KCNIP1: variants seen among roughly 807,000 people sequenced by gnomAD.
The protein encoded by KCNIP1 is potassium voltage-gated channel interacting protein 1.
Under a neutral mutation model 33.0 loss-of-function variants are expected in KCNIP1, and 18 were observed. The observed-to-expected ratio is 0.55, with a 90% confidence interval of 0.38 to 0.81. The LOEUF is 0.81. KCNIP1 is among the 30% of genes least tolerant of loss of function. KCNIP1 has a pLI of 0.00. For synonymous variants in KCNIP1, 93 were observed against 98.3 expected (o/e 0.95, Z 0.32); for missense variants, 238 against 271.6 (o/e 0.88, Z 0.87).
intron 1 of KCNIP1, among the ~76,000 whole-genome samples, chr5:170,390,389 C>T (rs10066233): frequency 0.2 from 30,367 of 149,850 alleles, 3,193 homozygotes; most frequent in Middle Eastern, 0.25. Flanking sequence ...GCCTGTGGTC[C>T]CAGCTACTTG....
intron 1 of KCNIP1, among the ~76,000 whole-genome samples, chr5:170,443,931 C>T (rs1475122331): frequency 6.6e-6 from 1 of 152,252 alleles, no homozygotes; most frequent in African/African-American, 2.4e-5. Context: ...TTTCTCCACA[C>T]TGCCAGGTTC....
intron 1 of KCNIP1, chr5:170,378,492 A>C (rs969283102): frequency 2.9e-5 from 17 of 595,054 alleles, no homozygotes; most frequent in South Asian, 1.4e-4. Context: ...ATGGCCTCCA[A>C]GGCATTGGGG....
intron 1 of KCNIP1, among the ~76,000 whole-genome samples, chr5:170,686,646 C>A (rs868152850): frequency 3.2e-4 from 49 of 152,208 alleles, no homozygotes; most frequent in African/African-American, 1.1e-3. Context: ...ACAGCTGACC[C>A]CGGCCTGTGA....
chr5:170,684,102 A>G (rs953053358), intron 1 of KCNIP1, among the ~76,000 whole-genome samples: 1 of 152,200 alleles, frequency 6.6e-6, no homozygotes, highest in African/African-American at 2.4e-5. Context: ...TATTGAGCCA[A>G]GAGTCAAAAG....
At chr5:170,548,697 C>T (rs1302764994) in intron 1 of KCNIP1, among the ~76,000 whole-genome samples, 1 of 152,188 alleles carries the variant, frequency 6.6e-6, no homozygotes, top group South Asian at 2.1e-4. Context: ...AAAGGTCTAG[C>T]TCTTTGAGGT....
chr5:170,733,217 G>A (rs1165631782), intron 6 of KCNIP1, among the ~76,000 whole-genome samples: 1 of 152,204 alleles, frequency 6.6e-6, no homozygotes, highest in Non-Finnish European at 1.5e-5. Context: ...AAGCATTTGT[G>A]TCTGGGAAGT....
intron 1 of KCNIP1, among the ~76,000 whole-genome samples, chr5:170,684,350 C>T (rs1004372663): frequency 6.6e-6 from 1 of 152,152 alleles, no homozygotes. Flanking sequence ...TTGACAAACT[C>T]CCCTAGAGTC....
At chr5:170,425,604 C>A (rs1389038824) in intron 1 of KCNIP1, among the ~76,000 whole-genome samples, 1 of 152,212 alleles carries the variant, frequency 6.6e-6, no homozygotes, top group African/African-American at 2.4e-5. Flanking sequence ...TCTGTTGCCA[C>A]CAAAGCTTCT....
intron 1 of KCNIP1, among the ~76,000 whole-genome samples, chr5:170,558,936 G>T (rs1388765733): frequency 3.9e-5 from 6 of 151,944 alleles, no homozygotes; most frequent in African/African-American, 1.5e-4. Flanking sequence ...CACCTCCCAG[G>T]GCCTCAGTTT....
At chr5:170,608,392 C>T (rs1477998080) in intron 1 of KCNIP1, among the ~76,000 whole-genome samples, 1 of 152,224 alleles carries the variant, frequency 6.6e-6, no homozygotes, top group African/African-American at 2.4e-5. Context: ...TGGCAATTCA[C>T]TTTGTTTCTC....
At chr5:170,496,727 C>T (rs1215465736) in intron 1 of KCNIP1, among the ~76,000 whole-genome samples, 3 of 152,136 alleles carry the variant, frequency 2.0e-5, no homozygotes, top group East Asian at 3.9e-4. Context: ...CTAACCACAG[C>T]ATCTGTCTCC....
At chr5:170,354,092 C>G (rs1463847966) in intron 1 of KCNIP1, 2 of 907,840 alleles carry the variant, frequency 2.2e-6, no homozygotes. Flanking sequence ...AAATTGGTGG[C>G]TGGGATTCGA....
chr5:170,721,759 C>T, intron 3 of KCNIP1, 74 bp from the exon 4 acceptor site: 1 of 1,614,156 alleles, frequency 6.2e-7, no homozygotes, highest in South Asian at 1.1e-5. Context: ...TTGTCGAAGC[C>T]CTGCCTTGTT....
intron 1 of KCNIP1, among the ~76,000 whole-genome samples, chr5:170,631,535 A>G (rs4868004): frequency 0.89 from 135,279 of 152,262 alleles, 60,350 homozygotes; most frequent in East Asian, 1. Flanking sequence ...GGCTTTCCCG[A>G]ATGGAATTTT....
intron 1 of KCNIP1, among the ~76,000 whole-genome samples, chr5:170,400,178 T>C (rs1754863877): frequency 6.6e-6 from 1 of 152,170 alleles, no homozygotes; most frequent in African/African-American, 2.4e-5. Flanking sequence ...GCCTTATTCC[T>C]TGCATTAGTC....
At chr5:170,599,648 CGAGAAG>C (rs879370632) in intron 1 of KCNIP1, among the ~76,000 whole-genome samples, 24,873 of 89,542 alleles carry the variant, frequency 0.28, 2,533 homozygotes, top group Middle Eastern at 0.41. Flanking sequence ...TGGGGAAGAG[CGAGAAG>C]TTCCCGTGCA....
rs1483434614 is a variant in KCNIP1, at chr5:170,367,350, A to AAAGAAAGAAAGAAAGG, written c.88+13401_88+13402insGAAGAAAGAAAGAAAG. ...AAGAAAGAAGGAAAGAAGGAAAGAAAAAGAAAGAAAGAAAGAAAGAAAGAA... is the reference window on the plus strand; with the variant it reads ...AAGAAAGAAGGAAAGAAGGAAAGAAAAAGAAAGAAAGAAAGGAAGAAAGAAAGAAAGAAAGAAAGAA... On this transcript the variant is annotated intron_variant, in intron 1 of 7. Coordinates refer to the KCNIP1 transcript ENST00000377360. 4.2e-3 allele frequency among the ~76,000 whole-genome samples: 70 copies of AAAGAAAGAAAGAAAGG among 16,718 alleles called. 1 individual carries two copies. Among genetic ancestry groups the AAAGAAAGAAAGAAAGG allele is most frequent in the Non-Finnish European group, 7.0e-3 (58 of 8,336 alleles). 11.0% of individuals were successfully genotyped at this position (16,718 alleles called of 152,430 possible).
intron 1 of KCNIP1, among the ~76,000 whole-genome samples, chr5:170,475,899 G>A (rs1192717263): frequency 6.6e-6 from 1 of 152,108 alleles, no homozygotes; most frequent in Non-Finnish European, 1.5e-5. Context: ...AGTAGGTTGA[G>A]GGGTGACAAG....
chr5:170,437,575 T>A (rs1174564861), intron 1 of KCNIP1, among the ~76,000 whole-genome samples: 1 of 152,178 alleles, frequency 6.6e-6, no homozygotes, highest in East Asian at 1.9e-4. Flanking sequence ...GTTGGGCCAG[T>A]GAGCAAGGGC....
Sources: allele counts gnomAD v4.1 joint callset (sites outside exome capture counted in the v4.1 genomes callset), GRCh38; gene constraint gnomAD v4.1.1; transcripts MANE v1.5; gene names NCBI Gene and HGNC (gene_info 2026-07-23, HGNC 2026-07-21).